Variants in TACR3 observed in about 807,000 individuals in gnomAD.
TACR3 encodes tachykinin receptor 3.
A neutral mutation model predicts 35.0 loss-of-function variants in TACR3; 34 were observed. The observed-to-expected ratio is 0.97, with a 90% CI of 0.74 to 1.30. The LOEUF is 1.30. Ranked by LOEUF, TACR3 falls within the 50% of genes most tolerant of loss-of-function variation. TACR3 has a pLI of 0.00. For missense variants in TACR3, 558 were observed against 591.7 expected, an observed-to-expected ratio of 0.94 and a Z score of 0.59; for synonymous variants, 233 against 221.1, an observed-to-expected ratio of 1.05 and a Z score of -0.48.
chr4:103,689,783 A>C (rs1287163496), intron 1 of TACR3, among the ~76,000 whole-genome samples: 1 of 152,124 alleles, frequency 6.6e-6, no homozygotes, highest in Non-Finnish European at 1.5e-5. Flanking sequence ...ATTTTTAGAA[A>C]ATAATGACTG....
intron 1 of TACR3, among the ~76,000 whole-genome samples, chr4:103,670,041 C>T (rs1441386787): frequency 1.3e-5 from 2 of 151,940 alleles, no homozygotes; most frequent in African/African-American, 4.8e-5. Context: ...TAATGGATAT[C>T]CAGTTTCCCT....
chr4:103,656,770 A>G (rs1359311973), intron 2 of TACR3, among the ~76,000 whole-genome samples: 1 of 152,104 alleles, frequency 6.6e-6, no homozygotes, highest in Non-Finnish European at 1.5e-5. Context: ...TGTCTTCTCT[A>G]TTGCTGCAAC....
chr4:103,685,676 GA>G (rs1722211908), intron 1 of TACR3, among the ~76,000 whole-genome samples: 1 of 152,100 alleles, frequency 6.6e-6, no homozygotes, highest in African/African-American at 2.4e-5. Context: ...TATACTCTCA[GA>G]AAGATGGTGT....
At chr4:103,651,864 G>T (rs965970340) in intron 3 of TACR3, among the ~76,000 whole-genome samples, 2 of 152,016 alleles carry the variant, frequency 1.3e-5, no homozygotes, top group African/African-American at 4.8e-5. Context: ...TTCTAGTCCA[G>T]GTTGTGTCTA....
chr4:103,662,313 C>T (rs1725850495), intron 1 of TACR3, among the ~76,000 whole-genome samples: 2 of 151,932 alleles, frequency 1.3e-5, no homozygotes, highest in Non-Finnish European at 2.9e-5. Context: ...CTCCACCTCC[C>T]AGGTTCAAGC....
chr4:103,701,620 G>A (rs976321600), intron 1 of TACR3, among the ~76,000 whole-genome samples: 2 of 152,138 alleles, frequency 1.3e-5, no homozygotes, highest in African/African-American at 4.8e-5. Flanking sequence ...GAACAAAGCT[G>A]GAGGCATCAC....
rs199736315 is a variant in TACR3, at chr4:103,589,496, G to A, written c.*186C>T. On this transcript the variant is annotated 3_prime_UTR_variant, in exon 5 of 5. Coordinates refer to ENST00000304883, the MANE Select transcript of TACR3 (RefSeq NM_001059.3). ...TTTAAAGCCCATTTTATTTTGGGTG[G>A]AGGCTAACATGTTATTAGTGTCTTT... is the stretch of plus-strand genomic sequence containing the variant. 2.7e-5 allele frequency: 16 copies of A among 598,734 alleles called. No homozygotes were observed. In the South Asian group the frequency reaches 3.8e-4, roughly 14 times the overall value. The allele number at this position is 598,734 out of a possible 1,614,324, so 37.1% of individuals were successfully genotyped here. A position where few individuals can be genotyped will look rare whatever the true frequency, so the allele number is the denominator to read the frequency against.
intron 3 of TACR3, among the ~76,000 whole-genome samples, chr4:103,620,544 A>T (rs995075927): frequency 7.9e-5 from 12 of 152,148 alleles, no homozygotes; most frequent in Non-Finnish European, 1.6e-4. Flanking sequence ...GCCCATATAC[A>T]CCTTGAAATA....
chr4:103,662,217 GTTTTTTTTTT>G (rs34317006), intron 1 of TACR3, among the ~76,000 whole-genome samples: 2 of 86,272 alleles, frequency 2.3e-5, no homozygotes, highest in Non-Finnish European at 4.6e-5. Context: ...TGTTGATGGT[GTTTTTTTTTT>G]TTTTTTTTTT....
intron 1 of TACR3, among the ~76,000 whole-genome samples, chr4:103,673,483 AACATAT>A: frequency 6.6e-6 from 1 of 152,174 alleles, no homozygotes; most frequent in Admixed American, 6.6e-5. Flanking sequence ...GAGCAGTCAG[AACATAT>A]ACATTTGCTG....
intron 1 of TACR3, among the ~76,000 whole-genome samples, chr4:103,703,035 A>G (rs1404574681): frequency 6.6e-6 from 1 of 152,120 alleles, no homozygotes; most frequent in African/African-American, 2.4e-5. Context: ...CATGTACCCT[A>G]AAAGTTAAAG....
chr4:103,647,801 G>A (rs1198117042), intron 3 of TACR3, among the ~76,000 whole-genome samples: 3 of 151,766 alleles, frequency 2.0e-5, no homozygotes, highest in African/African-American at 7.3e-5. Context: ...CCTAGTGCTA[G>A]TTAATACCAG....
chr4:103,587,289 AC>A lies in TACR3; in HGVS notation c.*2392del, dbSNP rs1723786999. On this transcript the variant is annotated 3_prime_UTR_variant, in exon 5 of 5. Transcript: ENST00000304883. ...TTATTATTGTCGTTTAAATTTTTGA[AC>A]TTAAAAAATTCTGCCTATAGGTCTC... is the stretch of plus-strand genomic sequence containing the variant. 1 of 152,066 alleles carries A rather than the reference AC, an allele frequency of 6.6e-6. No homozygotes were observed. The allele number at this position is 152,066 out of a possible 1,614,324, so 9.4% of individuals were successfully genotyped here.
At chr4:103,640,340 C>A (rs756258055) in intron 3 of TACR3, among the ~76,000 whole-genome samples, 4 of 151,816 alleles carry the variant, frequency 2.6e-5, no homozygotes, top group Admixed American at 6.6e-5. Context: ...TTACTTGTGG[C>A]AAAATTCAGT....
chr4:103,675,939 T>G (rs1409748893), intron 1 of TACR3, among the ~76,000 whole-genome samples: 2 of 152,190 alleles, frequency 1.3e-5, no homozygotes. Flanking sequence ...CTCATACCTT[T>G]TATTTATATA....
chr4:103,708,736 G>A (rs891283640), intron 1 of TACR3, among the ~76,000 whole-genome samples: 48 of 152,142 alleles, frequency 3.2e-4, no homozygotes, highest in Admixed American at 1.6e-3. Context: ...TGAACCCATC[G>A]CAAAGAAGCT....
chr4:103,705,518 TCAAC>T (rs57722539), intron 1 of TACR3, among the ~76,000 whole-genome samples: 17,650 of 152,038 alleles, frequency 0.12, 1,323 homozygotes, highest in East Asian at 0.37. Context: ...GACCAAATTA[TCAAC>T]CAAACAGTCT....
At chr4:103,594,862 T>A (rs183565888) in intron 3 of TACR3, among the ~76,000 whole-genome samples, 1 of 152,270 alleles carries the variant, frequency 6.6e-6, no homozygotes, top group Non-Finnish European at 1.5e-5. Flanking sequence ...TCTACAGAAA[T>A]GTTTATAAGT....
chr4:103,672,570 A>G (rs1726078981), intron 1 of TACR3, among the ~76,000 whole-genome samples: 1 of 152,198 alleles, frequency 6.6e-6, no homozygotes, highest in East Asian at 1.9e-4. Flanking sequence ...TAAAATATTC[A>G]TTAAACCATG....
Sources: allele counts gnomAD v4.1 joint callset (sites outside exome capture counted in the v4.1 genomes callset), GRCh38; gene constraint gnomAD v4.1.1; transcripts MANE v1.5; gene names NCBI Gene and HGNC (gene_info 2026-07-23, HGNC 2026-07-21).